CFAP92: variants seen among roughly 807,000 people sequenced by gnomAD.
CFAP92 encodes uncharacterized protein CFAP92.
In CFAP92, 86 loss-of-function variants were observed where a neutral mutation model predicts 106.3. The ratio of observed to expected loss-of-function variants is 0.81; its 90% CI spans 0.68 to 0.97. The LOEUF is 0.97. CFAP92 is among the 50% of genes least tolerant of loss of function. The probability of loss-of-function intolerance (pLI) is 0.00; values close to 1 mark genes in which losing one functional copy is unlikely to be tolerated. For synonymous variants in CFAP92, 477 were observed against 506.4 expected, an observed-to-expected ratio of 0.94 and a Z score of 0.78; for missense variants, 1,204 against 1,283.8, an observed-to-expected ratio of 0.94 and a Z score of 0.95.
At chr3:128,965,119 A>G (rs1345165708) in intron 9 of CFAP92, among the ~76,000 whole-genome samples, 1 of 152,076 alleles carries the variant, frequency 6.6e-6, no homozygotes, top group Admixed American at 6.6e-5. Flanking sequence ...ACCCTAACTG[A>G]TCAATGTACT....
intron 8 of CFAP92, chr3:128,967,127 G>C (rs557668753): frequency 6.6e-6 from 1 of 152,182 alleles, no homozygotes; most frequent in Admixed American, 6.5e-5. Flanking sequence ...ATGAGATGGT[G>C]CTCAAAAAGA....
At chr3:129,001,623 G>C in intron 1 of CFAP92, 2 of 1,355,374 alleles carry the variant, frequency 1.5e-6, no homozygotes, top group Non-Finnish European at 1.9e-6. Flanking sequence ...GGCGCGCGGC[G>C]CAGCGATGGA....
chr3:128,990,101 GA>G (rs1278813220), intron 2 of CFAP92, among the ~76,000 whole-genome samples: 2 of 152,202 alleles, frequency 1.3e-5, no homozygotes, highest in South Asian at 2.1e-4. Context: ...AAAAACATTT[GA>G]AACAACTCAA....
the CFAP92 span, among the ~76,000 whole-genome samples, chr3:129,017,551 G>T: frequency 6.6e-6 from 1 of 152,200 alleles, no homozygotes; most frequent in African/African-American, 2.4e-5. Flanking sequence ...TGGGACCGAG[G>T]CCCTATTTCC....
At chr3:129,022,117 AT>A in the CFAP92 span, among the ~76,000 whole-genome samples, 577 of 152,170 alleles carry the variant, frequency 3.8e-3, 1 homozygote, top group African/African-American at 0.013. Context: ...GATCAATGTC[AT>A]TTTTTTGTCA....
chr3:129,023,329 A>G, the CFAP92 span, among the ~76,000 whole-genome samples: 3 of 111,278 alleles, frequency 2.7e-5, no homozygotes, highest in Non-Finnish European at 3.7e-5. Flanking sequence ...TTTTTTTTTG[A>G]GACAGAGTCT....
At chr3:129,013,247 GA>G in the CFAP92 span, among the ~76,000 whole-genome samples, 2,825 of 152,116 alleles carry the variant, frequency 0.019, 93 homozygotes, top group African/African-American at 0.064. Context: ...GTCTTGTGTA[GA>G]AAAAAATGAC....
chr3:129,020,510 A>C, the CFAP92 span, among the ~76,000 whole-genome samples: 1 of 152,154 alleles, frequency 6.6e-6, no homozygotes, highest in East Asian at 1.9e-4. Flanking sequence ...GGTGGCCTGC[A>C]CCTGTGGTCC....
chr3:128,959,429 AT>A (rs1941696433), intron 9 of CFAP92, among the ~76,000 whole-genome samples: 1 of 152,178 alleles, frequency 6.6e-6, no homozygotes, highest in African/African-American at 2.4e-5. Flanking sequence ...GTAGAAAAAA[AT>A]ATATCTGCAG....
At chr3:128,924,157 G>T (rs921804423) in intron 12 of CFAP92, among the ~76,000 whole-genome samples, 1 of 152,206 alleles carries the variant, frequency 6.6e-6, no homozygotes, top group African/African-American at 2.4e-5. Flanking sequence ...AAAAGCTGAG[G>T]CAGGACTTGC....
At chr3:128,992,517 G>A (rs767942301) in intron 2 of CFAP92, among the ~76,000 whole-genome samples, 8 of 152,146 alleles carry the variant, frequency 5.3e-5, no homozygotes, top group South Asian at 2.1e-4. Context: ...AGCTGAGATC[G>A]CACCACTGCA....
At position 128,938,491 on chromosome 3, in the gene CFAP92, C is replaced by CT. The variant is rs11361650; in HGVS notation, c.2259-3173dup. On this transcript the variant is annotated intron_variant, in intron 10 of 15. Coordinates refer to ENST00000645291, the MANE Select transcript of CFAP92 (RefSeq NM_001394090.1). ...GGCAAGTGTGTGTGCCTTCACCATT[C>CT]TTTTTTTTTTTTTTTTTTAAGAGAT... Among the ~76,000 whole-genome samples the CT allele has an allele frequency of 1.9e-3, 260 of 135,822 alleles. 1 individual carries two copies. The highest frequency in any genetic ancestry group is 3.9e-3 in the Middle Eastern group (1 of 258). The allele number at this position is 135,822 out of a possible 152,430, so 89.1% of individuals were successfully genotyped here.
chr3:128,987,911 C>T, intron 3 of CFAP92, 82 bp from the exon 4 acceptor site: 1 of 1,232,932 alleles, frequency 8.1e-7, no homozygotes, highest in Non-Finnish European at 1.1e-6. Flanking sequence ...CCAGCCCCAG[C>T]CTGGCCCTCA....
rs370082358 is a variant in CFAP92, at chr3:128,978,091, C to T, written c.762G>A (p.Pro254=). 2.9e-5 allele frequency: 46 copies of T among 1,613,806 alleles called. No homozygotes were observed. Among genetic ancestry groups the T allele is most frequent in the Admixed American group, 1.0e-4 (6 of 59,986 alleles). ...IVREESNQEH[P]PGKQEKTEKH... ...TTTCTGTTTTTTCTTGTTTTCCTGG[C>T]GGATGTTCCTGGTTCGACTCTTCTC... The change falls in exon 5 of 16, where the codon CCG becomes CCA. Residue 254 remains proline, a synonymous_variant. Coordinates refer to ENST00000645291, the MANE Select transcript of CFAP92 (RefSeq NM_001394090.1).
chr3:129,009,302 C>T, the CFAP92 span, among the ~76,000 whole-genome samples: 1 of 152,200 alleles, frequency 6.6e-6, no homozygotes, highest in Non-Finnish European at 1.5e-5. Flanking sequence ...GCATGTCCAG[C>T]TTCAGACATG....
chr3:128,914,790 C>G (rs1936671640), intron 15 of CFAP92: 2 of 233,660 alleles, frequency 8.6e-6, no homozygotes, highest in Non-Finnish European at 1.7e-5. Flanking sequence ...ACCTAGAGAT[C>G]AGTCATGGGT....
intron 2 of CFAP92, among the ~76,000 whole-genome samples, chr3:128,989,957 G>C (rs1944110315): frequency 6.6e-6 from 1 of 152,194 alleles, no homozygotes; most frequent in African/African-American, 2.4e-5. Context: ...AGGGGAAGTT[G>C]ACAATATCTA....
At chr3:128,925,956 A>G (rs986238615) in intron 12 of CFAP92, among the ~76,000 whole-genome samples, 4 of 152,212 alleles carry the variant, frequency 2.6e-5, no homozygotes, top group African/African-American at 9.6e-5. Flanking sequence ...CAAAAAATCT[A>G]ATCACAGAAA....
At chr3:128,919,175 T>G (rs987887015) in intron 12 of CFAP92, among the ~76,000 whole-genome samples, 1 of 151,988 alleles carries the variant, frequency 6.6e-6, no homozygotes, top group African/African-American at 2.4e-5. Flanking sequence ...AACGCCAGAC[T>G]TCAAGCGATC....
Sources: gnomAD v4.1 joint callset for allele counts (sites outside exome capture counted in the v4.1 genomes callset) on GRCh38, gnomAD v4.1.1 for gene constraint, MANE v1.5 for transcripts, NCBI Gene and HGNC (gene_info 2026-07-23, HGNC 2026-07-21) for gene names.